Variants in CCSER1 observed in about 807,000 individuals in gnomAD.
CCSER1 encodes serine-rich coiled-coil domain-containing protein 1.
In CCSER1, 41 loss-of-function variants were observed where a neutral mutation model predicts 82.0. That is an observed-to-expected ratio of 0.50 (90% CI 0.39 to 0.65). CCSER1 has a LOEUF of 0.65. Among genes scored for constraint, CCSER1 ranks in the 30% least tolerant of loss-of-function variants. The pLI is 0.00. For missense variants in CCSER1, 1,119 were observed against 1,064.2 expected (o/e 1.05, Z -0.72); for synonymous variants, 414 against 383.9 (o/e 1.08, Z -0.92).
intron 10 of CCSER1, among the ~76,000 whole-genome samples, chr4:91,484,693 C>A (rs993593856): frequency 6.6e-6 from 1 of 152,100 alleles, no homozygotes; most frequent in Non-Finnish European, 1.5e-5. Flanking sequence ...ATGAATTCTT[C>A]AGTGATTCTC....
At chr4:90,894,495 C>G (rs1193770913) in intron 8 of CCSER1, among the ~76,000 whole-genome samples, 1 of 151,918 alleles carries the variant, frequency 6.6e-6, no homozygotes, top group Non-Finnish European at 1.5e-5. Context: ...TTTGTTGATT[C>G]TTTTTACTCC....
At chr4:91,445,652 C>G (rs1366605143) in intron 10 of CCSER1, among the ~76,000 whole-genome samples, 1 of 152,104 alleles carries the variant, frequency 6.6e-6, no homozygotes, top group East Asian at 1.9e-4. Flanking sequence ...TTTTATCTCT[C>G]TATTTATATC....
intron 8 of CCSER1, among the ~76,000 whole-genome samples, chr4:90,914,492 G>A (rs1235856753): frequency 2.6e-5 from 4 of 152,102 alleles, no homozygotes; most frequent in African/African-American, 4.8e-5. Flanking sequence ...CACATTTAAA[G>A]CAGTGCGTTG....
intron 8 of CCSER1, among the ~76,000 whole-genome samples, chr4:90,865,396 A>T (rs896218663): frequency 9.9e-5 from 15 of 152,008 alleles, no homozygotes; most frequent in Non-Finnish European, 1.9e-4. Flanking sequence ...TTGAGCAATG[A>T]AAAGACAATT....
chr4:90,476,794 A>C (rs554359409), intron 5 of CCSER1, among the ~76,000 whole-genome samples: 18 of 152,212 alleles, frequency 1.2e-4, no homozygotes, highest in African/African-American at 4.3e-4. Flanking sequence ...TTGTGCAGTT[A>C]CCCTGTCAAG....
chr4:90,801,344 A>G (rs775399885), intron 7 of CCSER1, among the ~76,000 whole-genome samples: 2 of 152,204 alleles, frequency 1.3e-5, no homozygotes, highest in African/African-American at 2.4e-5. Context: ...ATAACAAATT[A>G]AGAAAGATTG....
intron 9 of CCSER1, among the ~76,000 whole-genome samples, chr4:91,004,154 C>T (rs554077567): frequency 1.3e-5 from 2 of 152,238 alleles, no homozygotes; most frequent in South Asian, 4.1e-4. Context: ...TTATTCCTGC[C>T]GAGGTTCTAG....
intron 10 of CCSER1, among the ~76,000 whole-genome samples, chr4:91,400,527 A>T (rs1432581900): frequency 6.7e-6 from 1 of 148,984 alleles, no homozygotes; most frequent in African/African-American, 2.5e-5. Context: ...ATCATTTATT[A>T]TCTAGGATGC....
At chr4:90,659,169 A>G (rs999544055) in intron 6 of CCSER1, among the ~76,000 whole-genome samples, 1 of 150,862 alleles carries the variant, frequency 6.6e-6, no homozygotes, top group Non-Finnish European at 1.5e-5. Context: ...GACTCACATC[A>G]GTTTTCTAAA....
At chr4:91,393,898 G>C (rs1034506441) in intron 10 of CCSER1, among the ~76,000 whole-genome samples, 4 of 152,052 alleles carry the variant, frequency 2.6e-5, no homozygotes, top group African/African-American at 9.7e-5. Flanking sequence ...AGGTTTTATA[G>C]ACTGGCTAGA....
chr4:90,324,573 G>C (rs200234198), intron 3 of CCSER1, among the ~76,000 whole-genome samples: 2,998 of 150,032 alleles, frequency 0.02, 107 homozygotes, highest in East Asian at 0.17. Context: ...GATATTAGCC[G>C]TTTGTCAGAT....
At chr4:91,560,737 A>G (rs1478195285) in intron 10 of CCSER1, among the ~76,000 whole-genome samples, 2 of 151,392 alleles carry the variant, frequency 1.3e-5, no homozygotes, top group Non-Finnish European at 3.0e-5. Context: ...TATCTAGCCT[A>G]CTTTTCCTGT....
intron 10 of CCSER1, among the ~76,000 whole-genome samples, chr4:91,294,785 C>T (rs1202500087): frequency 2.6e-5 from 4 of 151,874 alleles, no homozygotes; most frequent in Non-Finnish European, 5.9e-5. Flanking sequence ...CTTATCTAAA[C>T]ATCCTTAGCC....
chr4:91,179,740 G>T (rs553526614), intron 10 of CCSER1, among the ~76,000 whole-genome samples: 4 of 152,164 alleles, frequency 2.6e-5, no homozygotes, highest in Admixed American at 2.6e-4. Context: ...TTTGCGATGG[G>T]TTTGAACATC....
intron 9 of CCSER1, among the ~76,000 whole-genome samples, chr4:90,941,273 C>T (rs1731546362): frequency 6.6e-6 from 1 of 151,918 alleles, no homozygotes; most frequent in South Asian, 2.1e-4. Flanking sequence ...ATTTGAATCA[C>T]CAAGTTTTAG....
At chr4:91,466,721 G>A (rs138746511) in intron 10 of CCSER1, among the ~76,000 whole-genome samples, 3,254 of 152,166 alleles carry the variant, frequency 0.021, 110 homozygotes, top group African/African-American at 0.074. Flanking sequence ...GAGACAAACA[G>A]AGAGCCAAAT....
At chr4:90,598,696 C>CA (rs1237129872) in intron 5 of CCSER1, among the ~76,000 whole-genome samples, 1 of 151,956 alleles carries the variant, frequency 6.6e-6, no homozygotes, top group Non-Finnish European at 1.5e-5. Flanking sequence ...AGAGACACTC[C>CA]AATTCAGGAG....
chr4:91,424,012 T>TTTC (rs1420927320), intron 10 of CCSER1, among the ~76,000 whole-genome samples: 1 of 135,548 alleles, frequency 7.4e-6, no homozygotes, highest in East Asian at 2.2e-4. Context: ...TTTTTTTTTT[T>TTTC]TTTTTTTTTT....
intron 5 of CCSER1, among the ~76,000 whole-genome samples, chr4:90,552,699 C>T (rs926557571): frequency 1.3e-5 from 2 of 152,130 alleles, no homozygotes; most frequent in Non-Finnish European, 2.9e-5. Flanking sequence ...TCAAACAATC[C>T]ACCCAATTCA....
Sources: gnomAD v4.1 joint callset for allele counts (sites outside exome capture counted in the v4.1 genomes callset) on GRCh38, gnomAD v4.1.1 for gene constraint, MANE v1.5 for transcripts, NCBI Gene and HGNC (gene_info 2026-07-23, HGNC 2026-07-21) for gene names.